Variants in DOCK8 observed in about 807,000 individuals in gnomAD.
DOCK8 encodes dedicator of cytokinesis protein 8.
A neutral mutation model predicts 245.6 loss-of-function variants in DOCK8; 141 were observed. The observed-to-expected ratio is 0.57, with a 90% CI of 0.50 to 0.66. The LOEUF (loss-of-function observed/expected upper bound fraction) is 0.66. DOCK8 is among the 30% of genes least tolerant of loss of function. The probability of loss-of-function intolerance (pLI) is 0.00; values close to 1 mark genes in which losing one functional copy is unlikely to be tolerated. For missense variants in DOCK8, 2,965 were observed against 2,603.4 expected, an observed-to-expected ratio of 1.14 and a Z score of -3.02; for synonymous variants, 1,168 against 970.2, an observed-to-expected ratio of 1.20 and a Z score of -3.79.
intron 33 of DOCK8, among the ~76,000 whole-genome samples, chr9:425,996 G>A (rs1270394885): frequency 6.6e-6 from 1 of 152,056 alleles, no homozygotes; most frequent in Non-Finnish European, 1.5e-5. Context: ...CCCTGGCCCA[G>A]GACATATGAG....
intron 1 of DOCK8, among the ~76,000 whole-genome samples, chr9:226,485 G>A (rs558861274): frequency 1.2e-4 from 19 of 152,256 alleles, no homozygotes; most frequent in African/African-American, 4.6e-4. Context: ...AACCAGCTGG[G>A]AGGCAGTGGA....
chr9:340,115 C>G (rs770078425), intron 13 of DOCK8, 44 bp from the exon 14 acceptor site: 22 of 1,594,170 alleles, frequency 1.4e-5, no homozygotes, highest in Non-Finnish European at 1.8e-5. Flanking sequence ...TCCCTCATAA[C>G]ATGACAGTTT....
chr9:452,152 CA>C, intron 46 of DOCK8, 35 bp downstream of exon 46: 2 of 1,379,750 alleles, frequency 1.4e-6, no homozygotes, highest in Non-Finnish European at 2.1e-6. Context: ...TTCAGTAGAG[CA>C]GTGGTTCTCA....
chr9:451,346 G>T (rs1287665588), intron 45 of DOCK8, among the ~76,000 whole-genome samples: 1 of 151,828 alleles, frequency 6.6e-6, no homozygotes, highest in Non-Finnish European at 1.5e-5. Context: ...AATTTGGGCT[G>T]TGTATGGTGC....
chr9:433,500 A>G (rs980683329), intron 37 of DOCK8, among the ~76,000 whole-genome samples: 2 of 152,246 alleles, frequency 1.3e-5, no homozygotes, highest in African/African-American at 2.4e-5. Flanking sequence ...ATGGAACTCA[A>G]GCTGAGGTCC....
chr9:418,160 G>C lies in DOCK8; in HGVS notation c.3793G>C (p.Gly1265Arg). 4 of 1,614,228 alleles carry C rather than the reference G, an allele frequency of 2.5e-6. No individual in the cohort carries two copies. The highest frequency in any genetic ancestry group is 3.4e-6 in the Non-Finnish European group (4 of 1,180,044). ...INQNVALAIA[G>R]NNFNLKTSGI... ...CCAGAATGTGGCTCTGGCCATAGCA[G>C]GGAATAATTTCAATTTGAAAACAAG... The change falls in exon 30 of 48, where the codon GGG becomes CGG. Residue 1265 changes from glycine to arginine, a missense_variant. Coordinates refer to ENST00000432829, the MANE Select transcript of DOCK8 (RefSeq NM_203447.4).
intron 1 of DOCK8, 124 bp downstream of exon 1, chr9:215,153 G>C: frequency 2.7e-6 from 4 of 1,490,398 alleles, no homozygotes; most frequent in Non-Finnish European, 3.5e-6. Context: ...GCGCGCCTGA[G>C]ACCTGGGGCG....
chr9:358,807 C>A (rs1586791898), intron 14 of DOCK8, among the ~76,000 whole-genome samples: 1 of 152,292 alleles, frequency 6.6e-6, no homozygotes, highest in Non-Finnish European at 1.5e-5. Context: ...TGAGATCACG[C>A]CATTGCACTC....
chr9:346,268 A>C (rs1586758755), intron 14 of DOCK8, among the ~76,000 whole-genome samples: 2 of 152,298 alleles, frequency 1.3e-5, no homozygotes, highest in South Asian at 2.1e-4. Flanking sequence ...ACACATTTGC[A>C]CCAACTCCTG....
At chr9:233,209 G>A in intron 1 of DOCK8, among the ~76,000 whole-genome samples, 1 of 152,128 alleles carries the variant, frequency 6.6e-6, no homozygotes, top group East Asian at 1.9e-4. Context: ...GAGCGGTTTT[G>A]AGTGAGTTTC....
At chr9:349,735 C>T (rs2052068316) in intron 14 of DOCK8, among the ~76,000 whole-genome samples, 2 of 152,160 alleles carry the variant, frequency 1.3e-5, no homozygotes, top group African/African-American at 4.8e-5. Context: ...AACAGATTTA[C>T]ATTTCTGTTC....
In DOCK8 at chr9:420,577, G is replaced by A. The variant is rs368608032; in HGVS notation, c.4017G>A (p.Glu1339=). The change falls in exon 31 of 48, where the codon GAG becomes GAA. Residue 1339 remains glutamate, a synonymous_variant. Coordinates refer to ENST00000432829, the MANE Select transcript of DOCK8 (RefSeq NM_203447.4). ...DLLFICVLCF[E]YKGKQSSDKV... is the part of the protein sequence containing the mutation. ...TTTTCATCTGTGTGTTATGTTTTGAGTATAAGGTAAGTCTGGAGTGGCACA... is the reference window on the plus strand; with the variant it reads ...TTTTCATCTGTGTGTTATGTTTTGAATATAAGGTAAGTCTGGAGTGGCACA... The A allele has an allele frequency of 6.7e-5, 108 of 1,614,024 alleles. No individual in the cohort carries two copies. Among genetic ancestry groups the A allele is most frequent in the Non-Finnish European group, 8.2e-5 (97 of 1,180,044 alleles).
At chr9:425,277 A>G (rs574333426) in intron 33 of DOCK8, among the ~76,000 whole-genome samples, 3 of 152,322 alleles carry the variant, frequency 2.0e-5, no homozygotes, top group East Asian at 1.9e-4. Flanking sequence ...TCACACCTGT[A>G]ATCCCAGCAC....
intron 33 of DOCK8, 134 bp downstream of exon 33, chr9:422,269 A>G (rs1315069160): frequency 2.2e-5 from 18 of 804,962 alleles, no homozygotes; most frequent in Admixed American, 1.2e-4. Flanking sequence ...TGTAAATACA[A>G]TTCATCCAGG....
intron 18 of DOCK8, among the ~76,000 whole-genome samples, chr9:374,229 A>G (rs1195859025): frequency 6.6e-6 from 1 of 152,162 alleles, no homozygotes; most frequent in Non-Finnish European, 1.5e-5. Flanking sequence ...TTAAACCTGC[A>G]CTGTCTGATA....
chr9:393,605 C>T (rs555237625), intron 24 of DOCK8, among the ~76,000 whole-genome samples: 9 of 152,182 alleles, frequency 5.9e-5, no homozygotes, highest in Non-Finnish European at 1.0e-4. Context: ...ACTAGGGCTT[C>T]GTTGGCCCAG....
At chr9:323,067 T>C (rs182373527) in intron 7 of DOCK8, among the ~76,000 whole-genome samples, 10 of 139,482 alleles carry the variant, frequency 7.2e-5, no homozygotes, top group African/African-American at 2.8e-4. Context: ...CACTCCACCC[T>C]GGGTGACAAG....
At chr9:356,295 G>A (rs1202579761) in intron 14 of DOCK8, among the ~76,000 whole-genome samples, 5 of 152,146 alleles carry the variant, frequency 3.3e-5, no homozygotes, top group African/African-American at 7.2e-5. Flanking sequence ...TTGGGAGACC[G>A]AGGCGGGCGG....
intron 46 of DOCK8, chr9:452,638 A>C (rs1455209743): frequency 6.6e-6 from 1 of 152,586 alleles, no homozygotes; most frequent in Non-Finnish European, 1.5e-5. Context: ...GGTTCTTTGC[A>C]TTGGCAGTCA....
Sources: allele counts gnomAD v4.1 joint callset (sites outside exome capture counted in the v4.1 genomes callset), GRCh38; gene constraint gnomAD v4.1.1; transcripts MANE v1.5; gene names NCBI Gene and HGNC (gene_info 2026-07-23, HGNC 2026-07-21).